Variants in SGSH observed in about 807,000 individuals in gnomAD.
SGSH encodes heparan sulfate sulfatase.
SGSH carries 48 observed loss-of-function variants against 51.0 expected under a neutral mutation model. That is an observed-to-expected ratio of 0.94 (90% CI 0.75 to 1.20). SGSH has a LOEUF of 1.20. Among genes scored for constraint, SGSH ranks in the 50% most tolerant of loss-of-function variants. The pLI, the probability that SGSH is intolerant of heterozygous loss-of-function variation, is 0.00. For missense variants in SGSH, 662 were observed against 717.8 expected (o/e 0.92, Z 0.89); for synonymous variants, 321 against 313.4 (o/e 1.02, Z -0.26).
downstream of SGSH, chr17:80,205,606 G>T (rs964442846): frequency 6.4e-7 from 1 of 1,567,962 alleles, no homozygotes; most frequent in South Asian, 1.2e-5. Flanking sequence ...GTGTCCGGGG[G>T]CCGCTGCTGG....
chr17:80,213,839 G>A lies in SGSH; in HGVS notation c.710C>T (p.Ala237Val), dbSNP rs760510972. ...PNTPAARADL[A>V]AQYTTVGRMD... is the part of the protein sequence containing the mutation. ...GCGGCCGACGGTGGTGTACTGAGCG[G>A]CCAGGTCGGCTCGGGCTGCCGGGGT... The change falls in exon 6 of 8, where the codon GCC (alanine) becomes GTC (valine). Residue 237 changes from alanine (A) to valine (V), a missense_variant. Transcript: ENST00000326317. The surrounding 1 kb of genome is among the most constrained non-coding windows in gnomAD (Gnocchi z 4.6). 6.2e-7 allele frequency: 1 copy of A among 1,608,480 alleles called. No homozygotes were observed. The highest frequency in any genetic ancestry group is 1.1e-5 in the South Asian group (1 of 90,162).
chr17:80,206,161 C>A (rs114257097), downstream of SGSH, among the ~76,000 whole-genome samples: 649 of 152,340 alleles, frequency 4.3e-3, 4 homozygotes, highest in African/African-American at 0.014. Context: ...AGCACACAGC[C>A]TCATTTAGAA....
downstream of SGSH, chr17:80,203,696 G>A: frequency 5.0e-6 from 3 of 602,972 alleles, no homozygotes; most frequent in Admixed American, 6.5e-5. The surrounding 1 kb of genome is among the most constrained non-coding windows in gnomAD (Gnocchi z 4.6). Context: ...AGGGATGTGT[G>A]GAGCTCTAGG....
downstream of SGSH, chr17:80,202,320 G>T (rs757622443): frequency 1.2e-6 from 2 of 1,613,520 alleles, no homozygotes; most frequent in African/African-American, 2.7e-5. Context: ...GCACGTCACC[G>T]ACACCATGTT....
chr17:80,202,276 A>G, downstream of SGSH: 1 of 1,613,918 alleles, frequency 6.2e-7, no homozygotes, highest in Admixed American at 1.7e-5. Flanking sequence ...GGCAGGGCCA[A>G]AGGGGAGCTG....
At position 80,212,306 on chromosome 17, in the gene SGSH, C is replaced by T. The variant is rs1383481768; in HGVS notation, c.746-32G>A. On this transcript the variant is annotated intron_variant, in intron 6 of 7. Transcript: ENST00000326317. This position sits in a 1 kb window ranked among gnomAD's most constrained non-coding sequence, Gnocchi z 5.9. ...TGAGGGGCCGAGAAGCAGAGCTCAG[C>T]CGCAGACACGGAGGGAGGCAGCGGG... 49 of 1,568,468 alleles carry T rather than the reference C, an allele frequency of 3.1e-5. No homozygotes were observed. The highest frequency in any genetic ancestry group is 4.1e-5 in the Non-Finnish European group (47 of 1,154,268).
At chr17:80,207,095 C>A, downstream of SGSH, 1 of 1,600,474 alleles carries the variant, frequency 6.2e-7, no homozygotes, top group Non-Finnish European at 8.6e-7. Context: ...AGTAGGTGCA[C>A]GCTGGGGGCT....
rs549782167 is a variant in SGSH, at chr17:80,214,605, C to T, written c.506+10G>A. On this transcript the variant is annotated intron_variant, in intron 4 of 7. Transcript: ENST00000326317. ...CGCCAGGGGGAAGGGGCAGGGGCCC[C>T]GACTCATACCGGTCATCCTGAGTCT... is the stretch of plus-strand genomic sequence containing the variant. 14 of 1,611,156 alleles carry T rather than the reference C, an allele frequency of 8.7e-6. No homozygotes were observed. Among genetic ancestry groups the T allele is most frequent in the Middle Eastern group, 1.7e-4 (1 of 6,056 alleles).
chr17:80,220,155 TG>T, intron 1 of SGSH, 70 bp downstream of exon 1: 1 of 1,134,762 alleles, frequency 8.8e-7, no homozygotes, highest in Non-Finnish European at 1.2e-6. Flanking sequence ...TGACCACGGG[TG>T]GGGAGGAGGC....
rs574591890 is a variant in SGSH, at chr17:80,211,254, G to A, written c.950-243C>T. 24 of 1,235,168 alleles carry A rather than the reference G, an allele frequency of 1.9e-5. No homozygotes were observed. In the African/African-American group the frequency reaches 3.3e-4, roughly 17 times the overall value. 76.5% of individuals were successfully genotyped at this position (1,235,168 alleles called of 1,614,324 possible). A position where few individuals can be genotyped will look rare whatever the true frequency, so the allele number is the denominator to read the frequency against. ...GGATCCTTCTAAAATCCCATGGACT[G>A]GAAAAGAAGTCTCCTTTTTGGTAGC... On this transcript the variant is annotated intron_variant, in intron 7 of 7. Coordinates refer to ENST00000326317, the MANE Select transcript of SGSH (RefSeq NM_000199.5).
intron 1 of SGSH, among the ~76,000 whole-genome samples, chr17:80,217,419 G>T (rs918271400): frequency 6.6e-6 from 1 of 152,200 alleles, no homozygotes; most frequent in Non-Finnish European, 1.5e-5. Context: ...GTATCAGAGG[G>T]CATGTTAGCA....
intron 2 of SGSH, 112 bp downstream of exon 2, chr17:80,216,920 G>A (rs2041910979): frequency 9.3e-7 from 1 of 1,080,280 alleles, no homozygotes; most frequent in African/African-American, 1.6e-5. Flanking sequence ...GGGAGGGAAA[G>A]TGGGCAACAC....
chr17:80,211,905 T>G, intron 7 of SGSH, 166 bp downstream of exon 7: 2 of 676,224 alleles, frequency 3.0e-6, no homozygotes, highest in Non-Finnish European at 5.3e-6. Flanking sequence ...TTCACCTCTC[T>G]GAGCCTCATT....
downstream of SGSH, chr17:80,208,835 C>G (rs933318122): frequency 1.3e-5 from 2 of 153,470 alleles, no homozygotes; most frequent in African/African-American, 4.8e-5. Context: ...TTGCCCGGGG[C>G]AGAGGCAGAA....
chr17:80,201,932 C>T, downstream of SGSH: 1 of 1,535,028 alleles, frequency 6.5e-7, no homozygotes, highest in Non-Finnish European at 8.8e-7. The surrounding 1 kb of genome is among the most constrained non-coding windows in gnomAD (Gnocchi z 5.0). Context: ...CCCTTAAGTC[C>T]CTGGTGGTTC....
chr17:80,205,728 A>G (rs1056394182), downstream of SGSH: 19 of 1,432,562 alleles, frequency 1.3e-5, no homozygotes, highest in African/African-American at 1.7e-4. Flanking sequence ...GGGATGAGAT[A>G]AAGGTACAGG....
At chr17:80,204,604 A>G (rs534424760), downstream of SGSH, 6 of 386,698 alleles carry the variant, frequency 1.6e-5, no homozygotes, top group African/African-American at 6.1e-5. Context: ...AGCCTGGGCA[A>G]TAAGAGCAAA....
At chr17:80,203,583 C>T (rs2041108347), downstream of SGSH, 3 of 477,314 alleles carry the variant, frequency 6.3e-6, no homozygotes, top group Non-Finnish European at 1.1e-5. This position sits in a 1 kb window ranked among gnomAD's most constrained non-coding sequence, Gnocchi z 4.6. Flanking sequence ...CGCCCCAGGA[C>T]AAGTAAATCA....
chr17:80,203,970 G>A (rs1291244138), downstream of SGSH: 3 of 1,133,250 alleles, frequency 2.6e-6, no homozygotes, highest in East Asian at 2.6e-5. The surrounding 1 kb of genome is among the most constrained non-coding windows in gnomAD (Gnocchi z 4.6). Context: ...GAGGCACTGT[G>A]TGGAGAGTGG....
Sources: allele counts gnomAD v4.1 joint callset (sites outside exome capture counted in the v4.1 genomes callset), GRCh38; gene constraint gnomAD v4.1.1; non-coding constraint Gnocchi (gnomAD v3.1); transcripts MANE v1.5; gene names NCBI Gene and HGNC (gene_info 2026-07-23, HGNC 2026-07-21).